USP49: variants seen among roughly 807,000 people sequenced by gnomAD.
USP49 encodes ubiquitin specific peptidase 49, also known as ubiquitin carboxyl-terminal hydrolase 49.
USP49 carries 24 observed loss-of-function variants against 58.6 expected under a neutral mutation model. The ratio of observed to expected loss-of-function variants is 0.41; its 90% CI spans 0.30 to 0.58. USP49 has a LOEUF of 0.58. Ranked by LOEUF, USP49 falls within the 20% of genes least tolerant of loss-of-function variation. The probability of loss-of-function intolerance (pLI) is 0.30; values close to 1 mark genes in which losing one functional copy is unlikely to be tolerated. For missense variants in USP49, 703 were observed against 866.1 expected (o/e 0.81, Z 2.36); for synonymous variants, 408 against 365.1 (o/e 1.12, Z -1.34).
At chr6:41,798,657 A>G (rs1772935248) in intron 7 of USP49, 67 bp downstream of exon 7, 1 of 1,609,128 alleles carries the variant, frequency 6.2e-7, no homozygotes, top group African/African-American at 1.3e-5. Flanking sequence ...ATAAAAGGAA[A>G]ACAATAAAAT....
At chr6:41,846,616 T>C (rs899587514) in intron 3 of USP49, among the ~76,000 whole-genome samples, 6 of 152,154 alleles carry the variant, frequency 3.9e-5, no homozygotes, top group Admixed American at 1.3e-4. Context: ...AATACCTTTG[T>C]GAGAGCTCTG....
intron 3 of USP49, among the ~76,000 whole-genome samples, chr6:41,852,258 G>A (rs1160462498): frequency 1.3e-5 from 2 of 152,144 alleles, no homozygotes; most frequent in Non-Finnish European, 2.9e-5. Context: ...CCAGGAGGCG[G>A]AGGTTGCAGT....
At chr6:41,835,019 A>G (rs1773701575) in intron 3 of USP49, among the ~76,000 whole-genome samples, 2 of 152,234 alleles carry the variant, frequency 1.3e-5, no homozygotes, top group African/African-American at 4.8e-5. Context: ...AGGAAAGAAG[A>G]CTGATGATTC....
At chr6:41,868,316 A>T (rs908789305) in intron 3 of USP49, among the ~76,000 whole-genome samples, 1 of 152,050 alleles carries the variant, frequency 6.6e-6, no homozygotes, top group Non-Finnish European at 1.5e-5. Flanking sequence ...TTCTGTATTT[A>T]TTTATTTATT....
Position 41,803,709 on chromosome 6 carries a change from T to TAATGATA in USP49, c.1561+96_1561+97insTATCATT. The TAATGATA allele has an allele frequency of 2.3e-6, 3 of 1,276,946 alleles. No homozygotes were observed. The highest frequency in any genetic ancestry group is 3.3e-6 in the Non-Finnish European group (3 of 895,722). 79.1% of individuals were successfully genotyped at this position (1,276,946 alleles called of 1,614,324 possible). ...GATGCTTTAGAACCATTCAATATCATTAGTGTTACTTTTGACTAAAGAGGA... is the reference window on the plus strand; with the variant it reads ...GATGCTTTAGAACCATTCAATATCATAATGATATAGTGTTACTTTTGACTAAAGAGGA... On this transcript the variant is annotated intron_variant, in intron 5 of 7. Coordinates refer to ENST00000682992, the MANE Select transcript of USP49 (RefSeq NM_001286554.2). This position sits in a 1 kb window ranked among gnomAD's most constrained non-coding sequence, Gnocchi z 4.1.
At chr6:41,875,475 TTA>T (rs1774487575) in intron 2 of USP49, among the ~76,000 whole-genome samples, 1 of 152,176 alleles carries the variant, frequency 6.6e-6, no homozygotes, top group South Asian at 2.1e-4. Context: ...ATAATATCTT[TTA>T]TGTCTGAAAA....
chr6:41,807,316 A>C (rs535312251), intron 3 of USP49, among the ~76,000 whole-genome samples: 1 of 152,362 alleles, frequency 6.6e-6, no homozygotes, highest in Non-Finnish European at 1.5e-5. Context: ...TCAAATAAAA[A>C]GTCAATTTTA....
intron 3 of USP49, among the ~76,000 whole-genome samples, chr6:41,815,186 C>A (rs974040637): frequency 1.3e-5 from 2 of 151,900 alleles, no homozygotes; most frequent in African/African-American, 4.8e-5. Context: ...TTTGGGAGGC[C>A]GAGACGGGAG....
intron 3 of USP49, among the ~76,000 whole-genome samples, chr6:41,834,909 C>T (rs905615315): frequency 1.3e-5 from 2 of 152,150 alleles, no homozygotes; most frequent in African/African-American, 4.8e-5. Context: ...AAGGTTCCAG[C>T]TCAGTACTGC....
chr6:41,830,147 C>A (rs141756760), intron 3 of USP49, among the ~76,000 whole-genome samples: 2 of 152,158 alleles, frequency 1.3e-5, no homozygotes, highest in Non-Finnish European at 2.9e-5. Flanking sequence ...AATATACTGA[C>A]CTTCCCTGTT....
At position 41,792,367 on chromosome 6, in the gene USP49, G is replaced by A. The variant is rs1772812637; in HGVS notation, c.*4166C>T. 1 of 152,040 alleles carries A rather than the reference G, an allele frequency of 6.6e-6. No homozygotes were observed. The highest frequency in any genetic ancestry group is 1.5e-5 in the Non-Finnish European group (1 of 68,024). 9.4% of individuals were successfully genotyped at this position (152,040 alleles called of 1,614,324 possible). A position where few individuals can be genotyped will look rare whatever the true frequency, so the allele number is the denominator to read the frequency against. On this transcript the variant is annotated 3_prime_UTR_variant, in exon 8 of 8. Transcript: ENST00000682992. ...ATTTCAGGAGGAATCATTTTTGTTT[G>A]ACTTCTGCTATATGTTGCCCAGCAT...
chr6:41,856,247 C>T (rs1195915017), intron 3 of USP49, among the ~76,000 whole-genome samples: 5 of 150,740 alleles, frequency 3.3e-5, no homozygotes, highest in East Asian at 2.0e-4. Context: ...TGGTGGCGGG[C>T]GCCTGTAGTC....
At chr6:41,892,856 TC>T (rs1774832739) in intron 1 of USP49, among the ~76,000 whole-genome samples, 1 of 152,214 alleles carries the variant, frequency 6.6e-6, no homozygotes, top group Non-Finnish European at 1.5e-5. Context: ...TCATATGCTA[TC>T]CTTTGGCACC....
chr6:41,843,675 A>G (rs1773868231), intron 3 of USP49, among the ~76,000 whole-genome samples: 1 of 151,948 alleles, frequency 6.6e-6, no homozygotes, highest in Non-Finnish European at 1.5e-5. Context: ...TGGGAGGCTA[A>G]GGCGGGCGGA....
At chr6:41,886,211 CAT>C (rs1774708365) in intron 2 of USP49, among the ~76,000 whole-genome samples, 1 of 152,050 alleles carries the variant, frequency 6.6e-6, no homozygotes, top group African/African-American at 2.4e-5. Flanking sequence ...TGTATTAGAA[CAT>C]AAAAAAGGAG....
At chr6:41,833,945 C>A (rs1381629923) in intron 3 of USP49, among the ~76,000 whole-genome samples, 1 of 152,170 alleles carries the variant, frequency 6.6e-6, no homozygotes, top group Non-Finnish European at 1.5e-5. Flanking sequence ...GTAAAGTGAG[C>A]ACAAAACTAG....
chr6:41,845,612 A>G (rs1276241455), intron 3 of USP49, among the ~76,000 whole-genome samples: 1 of 152,070 alleles, frequency 6.6e-6, no homozygotes, highest in Non-Finnish European at 1.5e-5. Flanking sequence ...ATTTGAGCCC[A>G]GGAGTTTGGG....
Position 41,790,963 on chromosome 6 carries a change from G to C in USP49, c.*5570C>G, listed in dbSNP as rs934777517. 13 of 152,310 alleles carry C rather than the reference G, an allele frequency of 8.5e-5. No individual in the cohort carries two copies. Among genetic ancestry groups the C allele is most frequent in the African/African-American group, 2.9e-4 (12 of 41,562 alleles). 9.4% of individuals were successfully genotyped at this position (152,310 alleles called of 1,614,324 possible). A position where few individuals can be genotyped will look rare whatever the true frequency, so the allele number is the denominator to read the frequency against. ...GAGGAAACTTTTAAGCCATAGTATA[G>C]ATGCTAACCCCCATTTAGACCTGCA... On this transcript the variant is annotated 3_prime_UTR_variant, in exon 8 of 8. Coordinates refer to ENST00000682992, the MANE Select transcript of USP49 (RefSeq NM_001286554.2).
At chr6:41,863,227 T>C (rs1298076853) in intron 3 of USP49, among the ~76,000 whole-genome samples, 2 of 152,206 alleles carry the variant, frequency 1.3e-5, no homozygotes, top group Non-Finnish European at 2.9e-5. Flanking sequence ...TCAAGTCAGT[T>C]ACTAAAGCCT....
Sources: gnomAD v4.1 joint callset for allele counts (sites outside exome capture counted in the v4.1 genomes callset) on GRCh38, gnomAD v4.1.1 for gene constraint, Gnocchi (gnomAD v3.1) non-coding constraint, MANE v1.5 for transcripts, NCBI Gene and HGNC (gene_info 2026-07-23, HGNC 2026-07-21) for gene names.